ITPR2: variants seen among roughly 807,000 people sequenced by gnomAD.
ITPR2 encodes inositol 1,4,5-trisphosphate-gated calcium channel ITPR2.
ITPR2 carries 207 observed loss-of-function variants against 317.1 expected under a neutral mutation model. The observed-to-expected ratio is 0.65, with a 90% CI of 0.58 to 0.73. The LOEUF is 0.73. Among genes scored for constraint, ITPR2 ranks in the 30% least tolerant of loss-of-function variants. The pLI is 0.00. For missense variants in ITPR2, 2,613 were observed against 3,284.0 expected (o/e 0.80, Z 4.99); for synonymous variants, 1,156 against 1,149.1 (o/e 1.01, Z -0.12).
chr12:26,406,236 A>C (rs1376269016), intron 52 of ITPR2, among the ~76,000 whole-genome samples: 1 of 152,134 alleles, frequency 6.6e-6, no homozygotes, highest in Non-Finnish European at 1.5e-5. Flanking sequence ...ATATCCAAAC[A>C]TATTAAATTT....
At chr12:26,734,222 C>A (rs1018762715) in intron 2 of ITPR2, among the ~76,000 whole-genome samples, 4 of 152,170 alleles carry the variant, frequency 2.6e-5, no homozygotes, top group African/African-American at 9.7e-5. Flanking sequence ...TAGTCCAGAT[C>A]AACCTGCCTC....
rs1342056675 is a variant in ITPR2 at position 26,349,633 on chromosome 12, T to A, written c.7858-9305A>T. 2.0e-5 allele frequency among the ~76,000 whole-genome samples: 3 copies of A among 152,382 alleles called. No homozygotes were observed. In the East Asian group the frequency reaches 5.8e-4, roughly 29 times the overall value. On this transcript the variant is annotated intron_variant, in intron 55 of 56. Transcript: ENST00000381340. ...AAAGCAATATGACAAACAGAAAGCA[T>A]CCTTGGTTAGCTGAGGCCATATGCA...
intron 33 of ITPR2, among the ~76,000 whole-genome samples, chr12:26,579,707 T>G (rs1945352141): frequency 6.6e-6 from 1 of 152,166 alleles, no homozygotes; most frequent in East Asian, 1.9e-4. Context: ...TAGGATAAGT[T>G]ACTAAAGTAA....
At position 26,752,826 on chromosome 12, in the gene ITPR2, AC is replaced by A. The variant is rs536220628; in HGVS notation, c.164-27062del. ...ACCACCAAGGGACTAGAGTGAGGAA[AC>A]CCCTGACCCAAAAGCTAACTTTAGG... On this transcript the variant is annotated intron_variant, in intron 2 of 56. Coordinates refer to ENST00000381340, the MANE Select transcript of ITPR2 (RefSeq NM_002223.4). Among the ~76,000 whole-genome samples, 37 of 152,184 alleles carry A rather than the reference AC, an allele frequency of 2.4e-4. No individual in the cohort carries two copies. In the South Asian group the frequency reaches 7.7e-3, roughly 32 times the overall value.
intron 55 of ITPR2, among the ~76,000 whole-genome samples, chr12:26,377,849 T>C (rs892128387): frequency 1.3e-5 from 2 of 152,198 alleles, no homozygotes; most frequent in African/African-American, 4.8e-5. Flanking sequence ...TTTCCTTTCT[T>C]GTTCTCACAC....
intron 55 of ITPR2, among the ~76,000 whole-genome samples, chr12:26,342,497 TGGGGGGG>T (rs57105007): frequency 0.044 from 166 of 3,794 alleles, 23 homozygotes; most frequent in East Asian, 0.43. Context: ...GTCACGGCGG[TGGGGGGG>T]GGGGGGGGGC....
intron 48 of ITPR2, among the ~76,000 whole-genome samples, chr12:26,432,487 GTTA>G (rs554450867): frequency 1.8e-3 from 272 of 151,872 alleles, no homozygotes; most frequent in Admixed American, 5.4e-3. Flanking sequence ...TCACTTTAAA[GTTA>G]TTATTTTTCC....
At chr12:26,805,369 CATT>C (rs1238731467) in intron 1 of ITPR2, among the ~76,000 whole-genome samples, 1 of 152,178 alleles carries the variant, frequency 6.6e-6, no homozygotes, top group Non-Finnish European at 1.5e-5. Context: ...TCATTATCAT[CATT>C]ATTAATGTTA....
chr12:26,448,002 T>TAAAAA (rs10648745), intron 45 of ITPR2, among the ~76,000 whole-genome samples: 9,401 of 147,544 alleles, frequency 0.064, 608 homozygotes, highest in African/African-American at 0.16. Flanking sequence ...GACTTTTTTT[T>TAAAAA]AAAAAAAAAA....
chr12:26,717,350 G>A (rs1461099986), intron 5 of ITPR2, among the ~76,000 whole-genome samples: 1 of 152,206 alleles, frequency 6.6e-6, no homozygotes, highest in Non-Finnish European at 1.5e-5. Flanking sequence ...TCATATGGAT[G>A]ATACGGAGGA....
intron 37 of ITPR2, among the ~76,000 whole-genome samples, chr12:26,516,396 T>C (rs1021646284): frequency 8.6e-5 from 13 of 151,222 alleles, no homozygotes; most frequent in Admixed American, 8.6e-4. Context: ...TTATGAAAGA[T>C]ACCATCAGAG....
chr12:26,643,822 G>A (rs2200154), intron 21 of ITPR2, among the ~76,000 whole-genome samples: 127,693 of 152,182 alleles, frequency 0.84, 53,798 homozygotes, highest in East Asian at 0.97. Context: ...AGTAAAATAT[G>A]AGAAAAGAGA....
At chr12:26,343,812 G>C (rs868847891) in intron 55 of ITPR2, among the ~76,000 whole-genome samples, 3 of 152,276 alleles carry the variant, frequency 2.0e-5, no homozygotes, top group Middle Eastern at 3.4e-3. Flanking sequence ...GGAGCCCAGA[G>C]TGCTGACCCT....
chr12:26,814,935 A>C (rs191763442), intron 1 of ITPR2, among the ~76,000 whole-genome samples: 2 of 148,134 alleles, frequency 1.4e-5, no homozygotes, highest in Non-Finnish European at 3.1e-5. Context: ...ATTTGACAAG[A>C]TTTTCCTAAA....
chr12:26,812,721 A>G (rs1273430864), intron 1 of ITPR2, among the ~76,000 whole-genome samples: 1 of 152,270 alleles, frequency 6.6e-6, no homozygotes, highest in Non-Finnish European at 1.5e-5. Context: ...AAGTGTTATC[A>G]GTACTCCCAA....
intron 49 of ITPR2, among the ~76,000 whole-genome samples, chr12:26,424,730 C>T (rs1941005275): frequency 6.6e-6 from 1 of 151,484 alleles, no homozygotes; most frequent in South Asian, 2.1e-4. Flanking sequence ...GCTGGGATTA[C>T]AGGCACGAGC....
At chr12:26,516,295 A>AGGAAAGGAAAGGAAGGGAAGGGAAG (rs1943507085) in intron 37 of ITPR2, among the ~76,000 whole-genome samples, 1 of 52,554 alleles carries the variant, frequency 1.9e-5, no homozygotes, top group East Asian at 9.1e-4. Context: ...GGGAAAGGAA[A>AGGAAAGGAAAGGAAGGGAAGGGAAG]GGAAAGGAAA....
chr12:26,556,418 C>A, intron 35 of ITPR2, 43 bp from the exon 36 acceptor site: 2 of 1,575,904 alleles, frequency 1.3e-6, no homozygotes, highest in South Asian at 2.3e-5. Context: ...AGGCGTAAGT[C>A]AGATTTCATC....
At chr12:26,660,100 G>GAAT (rs1272336611) in intron 15 of ITPR2, among the ~76,000 whole-genome samples, 1 of 152,180 alleles carries the variant, frequency 6.6e-6, no homozygotes, top group Admixed American at 6.5e-5. Context: ...TAGGCAGTGG[G>GAAT]AATAGCCAGT....
Sources: gnomAD v4.1 joint callset for allele counts (sites outside exome capture counted in the v4.1 genomes callset) on GRCh38, gnomAD v4.1.1 for gene constraint, MANE v1.5 for transcripts, NCBI Gene and HGNC (gene_info 2026-07-23, HGNC 2026-07-21) for gene names.